Variants in FOXN3 observed in about 807,000 individuals in gnomAD.
The protein encoded by FOXN3 is forkhead box N3.
In FOXN3, 7 loss-of-function variants were observed where a neutral mutation model predicts 38.4. The ratio of observed to expected loss-of-function variants is 0.18; its 90% CI spans 0.10 to 0.34. The LOEUF (loss-of-function observed/expected upper bound fraction) is 0.34, where lower values mean the gene tolerates loss of function less well. Ranked by LOEUF, FOXN3 falls within the 10% of genes least tolerant of loss-of-function variation. The probability of loss-of-function intolerance (pLI) is 1.00; values close to 1 mark genes in which losing one functional copy is unlikely to be tolerated. For missense variants in FOXN3, 456 were observed against 613.4 expected (o/e 0.74, Z 2.71); for synonymous variants, 230 against 242.2 (o/e 0.95, Z 0.47).
At chr14:89,312,317 G>A (rs910963122) in intron 3 of FOXN3, among the ~76,000 whole-genome samples, 50 of 121,020 alleles carry the variant, frequency 4.1e-4, no homozygotes, top group African/African-American at 1.7e-3. Flanking sequence ...CAAGGCCCTC[G>A]GACTAAAAAC....
At chr14:89,382,476 G>A (rs77509865) in intron 2 of FOXN3, among the ~76,000 whole-genome samples, 6,285 of 152,220 alleles carry the variant, frequency 0.041, 440 homozygotes, top group African/African-American at 0.14. Flanking sequence ...ACCCATCTCT[G>A]TTCCCTCATG....
chr14:89,353,167 C>T (rs1889048341), intron 2 of FOXN3, among the ~76,000 whole-genome samples: 1 of 152,142 alleles, frequency 6.6e-6, no homozygotes, highest in Non-Finnish European at 1.5e-5. Context: ...CAAATCACAG[C>T]GCCATGGGAA....
intron 1 of FOXN3, among the ~76,000 whole-genome samples, chr14:89,428,940 T>G (rs1203541138): frequency 1.3e-5 from 2 of 152,218 alleles, no homozygotes; most frequent in Admixed American, 1.3e-4. Flanking sequence ...ATGGGAGGGA[T>G]GAACTTCATG....
intron 2 of FOXN3, among the ~76,000 whole-genome samples, chr14:89,404,504 CAAAA>C (rs71130075): frequency 0.039 from 2,371 of 60,950 alleles, 75 homozygotes; most frequent in African/African-American, 0.14. Context: ...GACTCTGTCT[CAAAA>C]AAAAAAAAAA....
intron 2 of FOXN3, among the ~76,000 whole-genome samples, chr14:89,386,302 G>A (rs1257286139): frequency 6.6e-6 from 1 of 152,202 alleles, no homozygotes; most frequent in South Asian, 2.1e-4. Flanking sequence ...CTGACATCGA[G>A]GAGTGTGTCA....
intron 4 of FOXN3, among the ~76,000 whole-genome samples, chr14:89,278,287 C>T (rs181681894): frequency 1.3e-5 from 2 of 152,268 alleles, no homozygotes; most frequent in Admixed American, 6.5e-5. Flanking sequence ...TCTCGTGAGA[C>T]TTATGCACCA....
At chr14:89,171,078 C>T (rs188676257) in intron 5 of FOXN3, among the ~76,000 whole-genome samples, 12 of 150,190 alleles carry the variant, frequency 8.0e-5, no homozygotes, top group African/African-American at 2.7e-4. Context: ...AAATCTATGG[C>T]GAAATTAAGC....
chr14:89,486,923 G>A (rs1396860505), intron 1 of FOXN3, among the ~76,000 whole-genome samples: 1 of 152,156 alleles, frequency 6.6e-6, no homozygotes, highest in African/African-American at 2.4e-5. Flanking sequence ...ATCTCAATGT[G>A]AGATTATTTT....
chr14:89,605,292 T>C (rs1284291112), intron 1 of FOXN3, among the ~76,000 whole-genome samples: 1 of 152,170 alleles, frequency 6.6e-6, no homozygotes, highest in Non-Finnish European at 1.5e-5. Flanking sequence ...AGAGGAAAGA[T>C]GCTAATTGGC....
At chr14:89,312,688 C>A (rs571033334) in intron 3 of FOXN3, among the ~76,000 whole-genome samples, 13 of 152,176 alleles carry the variant, frequency 8.5e-5, no homozygotes, top group Non-Finnish European at 1.9e-4. Context: ...TCCCACCACA[C>A]CTTGCTAGCT....
At chr14:89,538,464 G>A (rs1894731631) in intron 1 of FOXN3, among the ~76,000 whole-genome samples, 1 of 152,254 alleles carries the variant, frequency 6.6e-6, no homozygotes, top group Admixed American at 6.5e-5. Context: ...GAAGCAGGAG[G>A]CTGCCATCTC....
intron 4 of FOXN3, among the ~76,000 whole-genome samples, chr14:89,253,442 T>C (rs1885524954): frequency 1.3e-5 from 2 of 152,116 alleles, no homozygotes; most frequent in South Asian, 4.1e-4. Context: ...TTTGCCCTGA[T>C]GCTGCCCACG....
chr14:89,239,012 T>C (rs1885063929), intron 4 of FOXN3, among the ~76,000 whole-genome samples: 2 of 152,180 alleles, frequency 1.3e-5, no homozygotes, highest in Non-Finnish European at 2.9e-5. Context: ...TGAACAATTA[T>C]ATACTAAAAA....
At chr14:89,372,754 A>G (rs1890360102) in intron 2 of FOXN3, among the ~76,000 whole-genome samples, 1 of 152,048 alleles carries the variant, frequency 6.6e-6, no homozygotes, top group Non-Finnish European at 1.5e-5. Flanking sequence ...AACCTACAAG[A>G]TATAAAACAA....
In FOXN3 at chr14:89,465,463, C is replaced by T. The variant is rs147705575; in HGVS notation, c.-14-52973G>A. The stretch of plus-strand genomic sequence containing the variant: ...TAGGATGGTCTCAATCTCTTGACCT[C>T]GTGATCCACCCTCCTCCCAAAGTGC... On this transcript the variant is annotated intron_variant, in intron 1 of 6. Coordinates refer to the FOXN3 transcript ENST00000345097. Among the ~76,000 whole-genome samples the T allele has an allele frequency of 5.3e-3, 800 of 152,098 alleles. 4 individuals are homozygous for T. The highest frequency in any genetic ancestry group is 0.018 in the African/African-American group (727 of 41,496).
chr14:89,175,901 C>T (rs2139789709), intron 5 of FOXN3, among the ~76,000 whole-genome samples: 1 of 152,284 alleles, frequency 6.6e-6, no homozygotes, highest in Non-Finnish European at 1.5e-5. Flanking sequence ...GCCCACGATG[C>T]TGTGAATGTA....
At chr14:89,292,845 C>T (rs1192094641) in intron 3 of FOXN3, among the ~76,000 whole-genome samples, 5 of 152,204 alleles carry the variant, frequency 3.3e-5, no homozygotes, top group African/African-American at 9.7e-5. Context: ...CCCTCTCCAC[C>T]GCACGACCTC....
At chr14:89,386,139 C>T (rs1890784067) in intron 2 of FOXN3, among the ~76,000 whole-genome samples, 3 of 152,130 alleles carry the variant, frequency 2.0e-5, no homozygotes, top group Non-Finnish European at 4.4e-5. Flanking sequence ...CGGGGGAGCT[C>T]GGGAGGGTGG....
chr14:89,571,456 C>T (rs920036298), intron 1 of FOXN3, among the ~76,000 whole-genome samples: 10 of 151,328 alleles, frequency 6.6e-5, no homozygotes, highest in Non-Finnish European at 4.4e-5. Flanking sequence ...TTGCAGCGAG[C>T]CGAGATTGTG....
Sources: allele counts gnomAD v4.1 joint callset (sites outside exome capture counted in the v4.1 genomes callset), GRCh38; gene constraint gnomAD v4.1.1; transcripts MANE v1.5; gene names NCBI Gene and HGNC (gene_info 2026-07-23, HGNC 2026-07-21).